PLD1: variants seen among roughly 807,000 people sequenced by gnomAD.
The protein encoded by PLD1 is choline phosphatase 1.
A neutral mutation model predicts 137.1 loss-of-function variants in PLD1; 112 were observed. The ratio of observed to expected loss-of-function variants is 0.82; its 90% CI spans 0.70 to 0.96. The LOEUF is 0.96. Ranked by LOEUF, PLD1 falls within the 40% of genes least tolerant of loss-of-function variation. The pLI is 0.00. For synonymous variants in PLD1, 431 were observed against 454.7 expected, an observed-to-expected ratio of 0.95 and a Z score of 0.66; for missense variants, 1,321 against 1,342.0, an observed-to-expected ratio of 0.98 and a Z score of 0.24.
At chr3:171,625,477 T>C (rs1185514038) in intron 23 of PLD1, among the ~76,000 whole-genome samples, 1 of 152,248 alleles carries the variant, frequency 6.6e-6, no homozygotes, top group Non-Finnish European at 1.5e-5. Context: ...TAAATGTCCC[T>C]GTCTGATAGC....
At chr3:171,616,890 C>T (rs1733157507) in intron 24 of PLD1, among the ~76,000 whole-genome samples, 1 of 152,168 alleles carries the variant, frequency 6.6e-6, no homozygotes, top group African/African-American at 2.4e-5. Context: ...AACGCACGAA[C>T]TCTACCCCGT....
At chr3:171,754,898 C>T (rs560626663) in intron 1 of PLD1, among the ~76,000 whole-genome samples, 10 of 152,266 alleles carry the variant, frequency 6.6e-5, no homozygotes, top group African/African-American at 1.7e-4. Flanking sequence ...GTGCAGGCAA[C>T]TTTTATCCAA....
At chr3:171,703,828 G>A (rs933311484) in intron 11 of PLD1, among the ~76,000 whole-genome samples, 7 of 152,130 alleles carry the variant, frequency 4.6e-5, no homozygotes, top group African/African-American at 1.7e-4. Flanking sequence ...TTCAGGCTTG[G>A]GGAGAAAGCA....
At chr3:171,809,575 T>C (rs1174850811) in intron 1 of PLD1, 1 of 152,256 alleles carries the variant, frequency 6.6e-6, no homozygotes, top group African/African-American at 2.4e-5. Context: ...TGTTGTGGTC[T>C]GTTCTTAAAA....
At chr3:171,795,821 A>G (rs1364918152) in intron 1 of PLD1, among the ~76,000 whole-genome samples, 1 of 152,224 alleles carries the variant, frequency 6.6e-6, no homozygotes, top group Non-Finnish European at 1.5e-5. Flanking sequence ...GAGAAAATTG[A>G]GGCCCAGAAT....
intron 19 of PLD1, among the ~76,000 whole-genome samples, chr3:171,670,184 C>CGT (rs1421460150): frequency 1.0e-3 from 2 of 1,948 alleles, no homozygotes; most frequent in East Asian, 0.1. Context: ...TGGGTACAAA[C>CGT]ATAGAAGGAA....
intron 1 of PLD1, among the ~76,000 whole-genome samples, chr3:171,759,372 C>T (rs1199429117): frequency 1.3e-5 from 2 of 152,168 alleles, no homozygotes; most frequent in East Asian, 3.8e-4. Context: ...ATACTAATTA[C>T]TGAAGATACT....
In PLD1 at chr3:171,659,197, A is replaced by G; in HGVS notation, c.2429+16T>C. The G allele has an allele frequency of 6.4e-7, 1 of 1,557,794 alleles. No individual in the cohort carries two copies. The highest frequency in any genetic ancestry group is 8.9e-7 in the Non-Finnish European group (1 of 1,129,274). On this transcript the variant is annotated intron_variant, in intron 21 of 26. Coordinates refer to ENST00000351298, the MANE Select transcript of PLD1 (RefSeq NM_002662.5). ...AAGAACATCTGCAGCGAGAACTCTC[A>G]GCCAAAGGCTGTTACCTGTGAGCTT... is the stretch of plus-strand genomic sequence containing the variant.
chr3:171,710,880 T>TTTTTTTTTTTTTTTTTTTTTTTG (rs1717156732), intron 9 of PLD1, among the ~76,000 whole-genome samples: 1 of 142,110 alleles, frequency 7.0e-6, no homozygotes, highest in African/African-American at 2.8e-5. Context: ...TTCTTTTTTT[T>TTTTTTTTTTTTTTTTTTTTTTTG]TTTTTTTTTT....
At position 171,806,889 on chromosome 3, in the gene PLD1, C is replaced by A. The variant is rs555760772; in HGVS notation, c.-32+3510G>T. Among the ~76,000 whole-genome samples, 5 of 152,314 alleles carry A rather than the reference C, an allele frequency of 3.3e-5. No individual in the cohort carries two copies. The South Asian group carries it at 1.0e-3, about 32-fold the overall frequency. Reference sequence around the variant, plus strand: ...CTCTTGACAGCTAAACCCCACAATACCCTTAGACACAAGTTTAAATACATC... The same window carrying A: ...CTCTTGACAGCTAAACCCCACAATAACCTTAGACACAAGTTTAAATACATC... On this transcript the variant is annotated intron_variant, in intron 1 of 26. Coordinates refer to ENST00000351298, the MANE Select transcript of PLD1 (RefSeq NM_002662.5).
intron 22 of PLD1, 23 bp downstream of exon 22, chr3:171,644,887 T>G: frequency 7.0e-7 from 1 of 1,423,038 alleles, no homozygotes. Context: ...AAGCTCAAAA[T>G]AGACCATTTA....
chr3:171,690,045 A>G (rs1276071777), intron 13 of PLD1, among the ~76,000 whole-genome samples: 1 of 152,150 alleles, frequency 6.6e-6, no homozygotes, highest in African/African-American at 2.4e-5. Context: ...TTAATTACTG[A>G]TCAATCTCCT....
chr3:171,658,816 A>G (rs568228495), intron 21 of PLD1, among the ~76,000 whole-genome samples: 7 of 152,228 alleles, frequency 4.6e-5, no homozygotes, highest in African/African-American at 7.2e-5. Flanking sequence ...CAGCAAACCA[A>G]TTATTAAAAA....
chr3:171,677,495 A>G (rs988656696), intron 17 of PLD1, 71 bp downstream of exon 17: 5 of 1,459,002 alleles, frequency 3.4e-6, no homozygotes, highest in African/African-American at 1.4e-5. Flanking sequence ...GATCATGCAC[A>G]TGTATACTTG....
At chr3:171,709,756 A>G in intron 9 of PLD1, 47 bp from the exon 10 acceptor site, 1 of 1,517,120 alleles carries the variant, frequency 6.6e-7, no homozygotes, top group Non-Finnish European at 8.9e-7. Flanking sequence ...ACTCTGTTCT[A>G]TCTCATGCTC....
intron 11 of PLD1, 75 bp from the exon 12 acceptor site, chr3:171,699,901 G>T (rs1716091048): frequency 8.7e-7 from 1 of 1,153,670 alleles, no homozygotes; most frequent in African/African-American, 1.5e-5. Flanking sequence ...GGAAGCAAAG[G>T]CAATTTCAGC....
intron 1 of PLD1, among the ~76,000 whole-genome samples, chr3:171,799,242 G>A (rs998293851): frequency 6.8e-6 from 1 of 146,964 alleles, no homozygotes; most frequent in Non-Finnish European, 1.5e-5. Context: ...AGGAGGCTAA[G>A]GCAGGAGAAT....
intron 1 of PLD1, among the ~76,000 whole-genome samples, chr3:171,777,822 A>G (rs1722643100): frequency 6.6e-6 from 1 of 152,238 alleles, no homozygotes; most frequent in African/African-American, 2.4e-5. Context: ...CTCAACAACT[A>G]CAGCAATCAT....
intron 21 of PLD1, among the ~76,000 whole-genome samples, chr3:171,649,907 T>C (rs1736578867): frequency 6.6e-6 from 1 of 152,206 alleles, no homozygotes; most frequent in Non-Finnish European, 1.5e-5. Context: ...AAATGACCGC[T>C]ATGAAGGCTC....
Sources: allele counts gnomAD v4.1 joint callset (sites outside exome capture counted in the v4.1 genomes callset), GRCh38; gene constraint gnomAD v4.1.1; transcripts MANE v1.5; gene names NCBI Gene and HGNC (gene_info 2026-07-23, HGNC 2026-07-21).